DHX30: variants seen among roughly 807,000 people sequenced by gnomAD.
DHX30 encodes DExH-box helicase 30.
In DHX30, 4 loss-of-function variants were observed where a neutral mutation model predicts 116.9. The ratio of observed to expected loss-of-function variants is 0.03; its 90% CI spans 0.02 to 0.08. The LOEUF is 0.08. DHX30 is among the 10% of genes least tolerant of loss of function. DHX30 has a pLI of 1.00. For synonymous variants in DHX30, 697 were observed against 651.7 expected (o/e 1.07, Z -1.06); for missense variants, 871 against 1,595.1 (o/e 0.55, Z 7.73).
chr3:47,832,404 C>T (rs775015770), intron 6 of DHX30, among the ~76,000 whole-genome samples: 10 of 152,146 alleles, frequency 6.6e-5, no homozygotes, highest in South Asian at 2.1e-4. Context: ...CTAGGCAGGT[C>T]TTGAACTCCA....
At chr3:47,834,300 C>T (rs1031692298) in intron 6 of DHX30, among the ~76,000 whole-genome samples, 5 of 152,120 alleles carry the variant, frequency 3.3e-5, no homozygotes, top group East Asian at 3.9e-4. Flanking sequence ...GATGGGGTTT[C>T]GCCATGGTGG....
intron 4 of DHX30, among the ~76,000 whole-genome samples, chr3:47,824,339 C>G (rs1204961773): frequency 6.6e-6 from 1 of 152,144 alleles, no homozygotes; most frequent in Non-Finnish European, 1.5e-5. Context: ...TTACGCTGGA[C>G]CAGCTCAATT....
At chr3:47,810,819 G>A in intron 3 of DHX30, 108 bp downstream of exon 3, 1 of 1,239,044 alleles carries the variant, frequency 8.1e-7, no homozygotes, top group Non-Finnish European at 1.2e-6. Context: ...ACATTTCTTT[G>A]GGTGGTTTTC....
rs1200793312 is a variant in DHX30, at chr3:47,847,057, C to T, written c.1929+56C>T. 1.3e-6 allele frequency: 2 copies of T among 1,568,690 alleles called. No homozygotes were observed. The highest frequency in any genetic ancestry group is 1.3e-5 in the African/African-American group (1 of 74,246). On this transcript the variant is annotated intron_variant, in intron 11 of 21. Coordinates refer to ENST00000445061, the MANE Select transcript of DHX30 (RefSeq NM_138615.3). The surrounding 1 kb of genome is among the most constrained non-coding windows in gnomAD (Gnocchi z 5.5). ...CCTGGCCTTTCCTCCGTGGATGCCC[C>T]TCCTCCCTGGCCCTGGGGCTTGGTG...
Position 47,847,627 on chromosome 3 carries a change from G to A in DHX30, c.2110+91G>A, listed in dbSNP as rs527835453. ...ACCCAACTGGGACTCCAGGGGCCCC[G>A]GTTTCTGACCAAGCTGTGGCACTTT... On this transcript the variant is annotated intron_variant, in intron 13 of 21. Coordinates refer to ENST00000445061, the MANE Select transcript of DHX30 (RefSeq NM_138615.3). This position sits in a 1 kb window ranked among gnomAD's most constrained non-coding sequence, Gnocchi z 5.5. 1.6e-5 allele frequency: 24 copies of A among 1,457,276 alleles called. 1 individual carries two copies. In the South Asian group the frequency reaches 2.2e-4, roughly 13 times the overall value. 90.3% of individuals were successfully genotyped at this position (1,457,276 alleles called of 1,614,324 possible).
At chr3:47,811,727 A>G (rs902053733) in intron 3 of DHX30, among the ~76,000 whole-genome samples, 44 of 152,012 alleles carry the variant, frequency 2.9e-4, no homozygotes, top group African/African-American at 1.0e-3. Context: ...ACGTGGCAAA[A>G]ATCAGGATCC....
At chr3:47,804,820 T>G (rs1052548438) in intron 1 of DHX30, among the ~76,000 whole-genome samples, 1 of 152,144 alleles carries the variant, frequency 6.6e-6, no homozygotes, top group Non-Finnish European at 1.5e-5. Flanking sequence ...TGTGCTTCAG[T>G]TTTCTTCTCT....
chr3:47,841,589 C>G (rs1329091499), intron 7 of DHX30, 28 bp from the exon 8 acceptor site: 1 of 1,613,894 alleles, frequency 6.2e-7, no homozygotes, highest in Non-Finnish European at 8.5e-7. Context: ...AGAGAGAATT[C>G]TTTCAGTTAA....
At chr3:47,844,604 C>T (rs1410786963) in intron 9 of DHX30, among the ~76,000 whole-genome samples, 1 of 152,212 alleles carries the variant, frequency 6.6e-6, no homozygotes, top group Admixed American at 6.5e-5. Flanking sequence ...GGTGCCAGCA[C>T]GCCCAGAGGC....
intron 4 of DHX30, 79 bp from the exon 5 acceptor site, chr3:47,827,268 A>G: frequency 7.0e-7 from 1 of 1,431,008 alleles, no homozygotes; most frequent in African/African-American, 1.5e-5. Flanking sequence ...AATCCAGCCC[A>G]GGGTTGCCCT....
chr3:47,808,068 G>A (rs567243994), intron 2 of DHX30, among the ~76,000 whole-genome samples: 21 of 151,150 alleles, frequency 1.4e-4, no homozygotes, highest in African/African-American at 3.9e-4. Context: ...GCACCACCAC[G>A]TCCGGCTAAT....
intron 4 of DHX30, among the ~76,000 whole-genome samples, chr3:47,818,359 C>T (rs764094594): frequency 6.6e-6 from 1 of 152,214 alleles, no homozygotes; most frequent in Non-Finnish European, 1.5e-5. Flanking sequence ...GTGGCCTGGA[C>T]TAAAGCCTAG....
intron 6 of DHX30, among the ~76,000 whole-genome samples, chr3:47,839,085 T>C (rs1003061541): frequency 6.6e-6 from 1 of 152,030 alleles, no homozygotes; most frequent in East Asian, 1.9e-4. Flanking sequence ...GACCAGGTCT[T>C]GTCTCTCCTG....
At chr3:47,835,239 T>A (rs1346314803) in intron 6 of DHX30, among the ~76,000 whole-genome samples, 1 of 148,764 alleles carries the variant, frequency 6.7e-6, no homozygotes, top group East Asian at 2.0e-4. Flanking sequence ...AGTGGCGCAA[T>A]CTCAACTCAC....
In DHX30 at chr3:47,807,753, C is replaced by G. The variant is rs999498283; in HGVS notation, c.-28+2333C>G. On this transcript the variant is annotated intron_variant, in intron 2 of 21. Transcript: ENST00000445061. ...GCAAAATCAAGAGTCTATTTGCAAG[C>G]AAATTAACTTACAAATTTTTTTTTT... 5.6e-5 allele frequency among the ~76,000 whole-genome samples: 8 copies of G among 143,788 alleles called. No individual in the cohort carries two copies. The East Asian group carries it at 1.4e-3, about 25-fold the overall frequency. 94.3% of individuals were successfully genotyped at this position (143,788 alleles called of 152,430 possible).
chr3:47,827,566 G>A, intron 5 of DHX30, 89 bp downstream of exon 5: 2 of 1,501,556 alleles, frequency 1.3e-6, no homozygotes, highest in Non-Finnish European at 1.8e-6. Flanking sequence ...TTGTCAAGGA[G>A]GCCATAGAAT....
At chr3:47,821,535 T>TTG (rs1455298237) in intron 4 of DHX30, among the ~76,000 whole-genome samples, 3 of 148,902 alleles carry the variant, frequency 2.0e-5, no homozygotes, top group Non-Finnish European at 3.0e-5. Flanking sequence ...TCCCAAAGTG[T>TTG]TGGGATTACA....
At chr3:47,829,310 A>T (rs1210782652) in intron 6 of DHX30, among the ~76,000 whole-genome samples, 176 bp downstream of exon 6, 132 of 25,616 alleles carry the variant, frequency 5.2e-3, no homozygotes, top group Non-Finnish European at 9.9e-3. Flanking sequence ...ATATATATAT[A>T]TATATTTTTT....
intron 6 of DHX30, among the ~76,000 whole-genome samples, chr3:47,838,988 C>T (rs1294227680): frequency 6.6e-6 from 1 of 151,980 alleles, no homozygotes; most frequent in Non-Finnish European, 1.5e-5. Flanking sequence ...ATCCTCTTGC[C>T]TCAGCCTCCC....
Sources: gnomAD v4.1 joint callset for allele counts (sites outside exome capture counted in the v4.1 genomes callset) on GRCh38, gnomAD v4.1.1 for gene constraint, Gnocchi (gnomAD v3.1) non-coding constraint, MANE v1.5 for transcripts, NCBI Gene and HGNC (gene_info 2026-07-23, HGNC 2026-07-21) for gene names.